MAP3K15: variants seen among roughly 807,000 people sequenced by gnomAD.
MAP3K15 encodes the protein mitogen-activated protein kinase kinase kinase 15, also known as MAPK/ERK kinase kinase 15.
Under a neutral mutation model 99.5 loss-of-function variants are expected in MAP3K15, and 124 were observed. That is an observed-to-expected ratio of 1.25 (90% CI 1.08 to 1.45). MAP3K15 has a LOEUF of 1.45. Among genes scored for constraint, MAP3K15 ranks in the 40% most tolerant of loss-of-function variants. MAP3K15 has a pLI of 0.00. For synonymous variants in MAP3K15, 494 were observed against 439.6 expected (o/e 1.12, Z -1.55); for missense variants, 1,242 against 1,079.7 (o/e 1.15, Z -2.11).
At chrX:19,440,845 G>T (rs766573544) in intron 6 of MAP3K15, among the ~76,000 whole-genome samples, 4 of 112,184 alleles carry the variant, frequency 3.6e-5, no homozygotes, top group Admixed American at 2.8e-4. Flanking sequence ...TTTTTTTCCT[G>T]GGCACTCAGC....
chrX:19,399,126 G>A (rs1028145707), intron 14 of MAP3K15, among the ~76,000 whole-genome samples: 2 of 112,215 alleles, frequency 1.8e-5, no homozygotes, highest in African/African-American at 6.5e-5. Flanking sequence ...TACTTCTAGG[G>A]ATGTTCATGA....
intron 18 of MAP3K15, among the ~76,000 whole-genome samples, chrX:19,381,491 T>C (rs902874234): frequency 1.4e-4 from 16 of 112,110 alleles, no homozygotes; most frequent in African/African-American, 5.2e-4. Flanking sequence ...GTAACTTTGC[T>C]GGGTTGGTAG....
At chrX:19,436,998 T>C (rs2063926883) in intron 6 of MAP3K15, among the ~76,000 whole-genome samples, 1 of 112,052 alleles carries the variant, frequency 8.9e-6, no homozygotes, top group Admixed American at 9.5e-5. Flanking sequence ...CTCTTGATTG[T>C]CCCATCAAAC....
intron 16 of MAP3K15, among the ~76,000 whole-genome samples, chrX:19,394,218 GATTC>G (rs1355548089): frequency 2.7e-5 from 3 of 111,896 alleles, no homozygotes; most frequent in Non-Finnish European, 3.8e-5. Context: ...TAAAGAGTTT[GATTC>G]ATTATTTCAA....
Position 19,509,043 on chromosome X carries a change from T to C in MAP3K15, c.361+5858A>G, listed in dbSNP as rs142893336. On this transcript the variant is annotated intron_variant, in intron 1 of 28. Transcript: ENST00000338883. ...GCTTACGTCCAAGGCCTGCCTGCCA[T>C]TTTCCTGCAGCTCATCCAATCCACT... Among the ~76,000 whole-genome samples the C allele has an allele frequency of 2.5e-3, 281 of 111,778 alleles. 1 individual carries two copies. Among genetic ancestry groups the C allele is most frequent in the African/African-American group, 8.6e-3 (266 of 30,797 alleles).
intron 7 of MAP3K15, among the ~76,000 whole-genome samples, chrX:19,426,725 G>T (rs1442263614): frequency 9.6e-6 from 1 of 103,950 alleles, no homozygotes; most frequent in Non-Finnish European, 1.9e-5. Flanking sequence ...GCTGAGGCAG[G>T]AGAATTAGCT....
chrX:19,390,433 T>C (rs1366637589), intron 18 of MAP3K15, among the ~76,000 whole-genome samples: 1 of 100,310 alleles, frequency 1.0e-5, no homozygotes, highest in African/African-American at 3.6e-5. Flanking sequence ...TCAGCCTCAC[T>C]AGTAGCTGGG....
chrX:19,381,356 C>T lies in MAP3K15; in HGVS notation c.2432-1079G>A, dbSNP rs1409546453. Among the ~76,000 whole-genome samples the T allele has an allele frequency of 7.2e-5, 8 of 111,609 alleles. No individual in the cohort carries two copies. In the East Asian group the frequency reaches 2.0e-3, roughly 28 times the overall value. ...AAGAATCTGGGATGGGAGAGCAGCC[C>T]GGAGAGGGCTTCAGCCAGGCTGCTG... On this transcript the variant is annotated intron_variant, in intron 18 of 28. Transcript: ENST00000338883.
At chrX:19,413,679 G>GC (rs1257735812) in intron 10 of MAP3K15, among the ~76,000 whole-genome samples, 4 of 59,066 alleles carry the variant, frequency 6.8e-5, no homozygotes, top group Admixed American at 4.5e-4. Context: ...CCATCTCTTG[G>GC]GGGGGGGGGT....
At chrX:19,482,179 C>CAAAAAAAAAAAAAAAAAAAAAAA (rs34191166) in intron 3 of MAP3K15, 5 of 31,467 alleles carry the variant, frequency 1.6e-4, no homozygotes, top group African/African-American at 5.3e-4. Context: ...GATTCCAGCT[C>CAAAAAAAAAAAAAAAAAAAAAAA]AAAAAAAAAA....
intron 6 of MAP3K15, among the ~76,000 whole-genome samples, chrX:19,453,486 T>A (rs533789077): frequency 1.9e-5 from 2 of 103,345 alleles, no homozygotes; most frequent in South Asian, 9.3e-4. Flanking sequence ...GGCGACAGAG[T>A]GAGCGTCTCA....
At chrX:19,469,842 C>T (rs1315584627) in intron 3 of MAP3K15, among the ~76,000 whole-genome samples, 4 of 109,317 alleles carry the variant, frequency 3.7e-5, no homozygotes, top group African/African-American at 6.7e-5. Flanking sequence ...AAATCAAAAC[C>T]ACAATGAGAT....
At chrX:19,446,039 G>C (rs764626795) in intron 6 of MAP3K15, among the ~76,000 whole-genome samples, 18 of 111,825 alleles carry the variant, frequency 1.6e-4, no homozygotes, top group Non-Finnish European at 2.6e-4. Context: ...TGAGGTAGTG[G>C]GCAAATAATT....
chrX:19,378,945 C>T (rs1257585947), intron 19 of MAP3K15, among the ~76,000 whole-genome samples: 3 of 111,482 alleles, frequency 2.7e-5, no homozygotes, highest in South Asian at 3.8e-4. Context: ...CCAACTCCCA[C>T]CTCTCCAGAA....
At position 19,413,464 on chromosome X, in the gene MAP3K15, C is replaced by T. The variant is rs765852192; in HGVS notation, c.1591G>A (p.Val531Ile). ...ACTTTGGTTGGCTCTATGACCAGAA[C>T]CTGAAACAAGAACAGATGCCTGTTA... ...NEVTNGLRFP[V>I]LVIEPTKVYQ... The change falls in exon 11 of 29, where the codon GTT becomes ATT. Residue 531 changes from valine (V) to isoleucine (I), a missense_variant and splice_region_variant. By Grantham distance (29) the Val-to-Ile change is conservative. Transcript: ENST00000338883. The T allele has an allele frequency of 1.7e-6, 2 of 1,181,717 alleles. No individual in the cohort carries two copies. Among genetic ancestry groups the T allele is most frequent in the African/African-American group, 3.6e-5 (2 of 56,088 alleles).
intron 1 of MAP3K15, among the ~76,000 whole-genome samples, chrX:19,504,693 G>A (rs930165369): frequency 1.8e-5 from 2 of 111,988 alleles, no homozygotes; most frequent in Admixed American, 1.9e-4. Context: ...GCTGGGCACG[G>A]TGGGTCATGC....
intron 13 of MAP3K15, among the ~76,000 whole-genome samples, chrX:19,403,781 A>C (rs1455533283): frequency 1.8e-5 from 2 of 110,865 alleles, no homozygotes; most frequent in Non-Finnish European, 3.8e-5. Flanking sequence ...CTAATCTTTA[A>C]ATATGTTGTG....
intron 1 of MAP3K15, among the ~76,000 whole-genome samples, chrX:19,502,372 T>C (rs1399380722): frequency 9.0e-6 from 1 of 111,378 alleles, no homozygotes; most frequent in African/African-American, 3.3e-5. Flanking sequence ...GAGGAAGTTC[T>C]CATGAGATCT....
intron 1 of MAP3K15, among the ~76,000 whole-genome samples, chrX:19,502,593 T>C (rs1237717289): frequency 9.0e-6 from 1 of 111,594 alleles, no homozygotes; most frequent in Non-Finnish European, 1.9e-5. Flanking sequence ...CCATGGCAGG[T>C]GGATCACTTG....
Sources: gnomAD v4.1 joint callset for allele counts (sites outside exome capture counted in the v4.1 genomes callset) on GRCh38, gnomAD v4.1.1 for gene constraint, MANE v1.5 for transcripts, NCBI Gene and HGNC (gene_info 2026-07-23, HGNC 2026-07-21) for gene names.